The following EPHA6 variants were observed in gnomAD, a reference collection of about 807,000 sequenced individuals.
EPHA6 encodes the protein EPH receptor A6.
In EPHA6, 50 loss-of-function variants were observed where a neutral mutation model predicts 112.0. The ratio of observed to expected loss-of-function variants is 0.45; its 90% CI spans 0.36 to 0.56. The LOEUF is 0.56. Among genes scored for constraint, EPHA6 ranks in the 20% least tolerant of loss-of-function variants. The pLI, the probability that EPHA6 is intolerant of heterozygous loss-of-function variation, is 0.00. For synonymous variants in EPHA6, 529 were observed against 490.7 expected, an observed-to-expected ratio of 1.08 and a Z score of -1.03; for missense variants, 1,280 against 1,417.4, an observed-to-expected ratio of 0.90 and a Z score of 1.56.
chr3:97,565,062 A>G (rs915362069), intron 11 of EPHA6, among the ~76,000 whole-genome samples: 2 of 152,196 alleles, frequency 1.3e-5, no homozygotes, highest in Admixed American at 6.5e-5. Flanking sequence ...CAGGGAAGTA[A>G]TAAAGATCAG....
chr3:97,443,335 A>G (rs577646510), intron 6 of EPHA6, among the ~76,000 whole-genome samples: 60 of 146,310 alleles, frequency 4.1e-4, no homozygotes, highest in Non-Finnish European at 8.6e-4. Flanking sequence ...CAAGAGCTTT[A>G]CCACTGTCTT....
chr3:97,146,516 C>G (rs756229918), intron 3 of EPHA6, among the ~76,000 whole-genome samples: 5 of 151,744 alleles, frequency 3.3e-5, no homozygotes, highest in Non-Finnish European at 7.4e-5. Context: ...GCATCTCAAC[C>G]CAAACTCTTC....
chr3:97,550,607 T>C (rs375967075), intron 11 of EPHA6, among the ~76,000 whole-genome samples: 2 of 152,166 alleles, frequency 1.3e-5, no homozygotes, highest in African/African-American at 4.8e-5. Context: ...TCTGCAAGAA[T>C]TAAAACATCT....
At chr3:97,056,706 A>G (rs2045864845) in intron 3 of EPHA6, among the ~76,000 whole-genome samples, 1 of 152,216 alleles carries the variant, frequency 6.6e-6, no homozygotes, top group African/African-American at 2.4e-5. Context: ...GTGTTTTAAC[A>G]TAGTGGTTGA....
intron 14 of EPHA6, chr3:97,646,315 G>A (rs1481612133): frequency 1.3e-6 from 2 of 1,501,748 alleles, no homozygotes; most frequent in Non-Finnish European, 1.8e-6. Context: ...CCAACAGTGA[G>A]TCTTTCAGAG....
intron 3 of EPHA6, among the ~76,000 whole-genome samples, chr3:97,058,165 A>G (rs915450990): frequency 7.2e-6 from 1 of 138,786 alleles, no homozygotes; most frequent in African/African-American, 2.5e-5. Flanking sequence ...ACATTACCAC[A>G]TGTTTACATA....
At chr3:97,473,654 A>G (rs547139621) in intron 7 of EPHA6, among the ~76,000 whole-genome samples, 1 of 151,998 alleles carries the variant, frequency 6.6e-6, no homozygotes, top group South Asian at 2.1e-4. Flanking sequence ...ATCTTCAAAA[A>G]GATAATGCTT....
chr3:96,923,664 G>C (rs555864482), intron 2 of EPHA6, among the ~76,000 whole-genome samples: 12 of 152,042 alleles, frequency 7.9e-5, no homozygotes, highest in African/African-American at 2.7e-4. Flanking sequence ...TTCTTCTTTT[G>C]CAGTTACTTT....
At chr3:97,178,031 G>A (rs756147061) in intron 3 of EPHA6, among the ~76,000 whole-genome samples, 3 of 151,854 alleles carry the variant, frequency 2.0e-5, no homozygotes, top group Non-Finnish European at 4.4e-5. Context: ...TCTCTTCTTT[G>A]TTTCTTTCCT....
intron 3 of EPHA6, among the ~76,000 whole-genome samples, chr3:97,115,599 A>G (rs58281411): frequency 0.013 from 1,991 of 151,936 alleles, 39 homozygotes; most frequent in African/African-American, 0.046. Context: ...TTCAGCTCCA[A>G]TAATTGAAAT....
chr3:96,909,149 T>C (rs2039086789), intron 2 of EPHA6, among the ~76,000 whole-genome samples: 1 of 151,936 alleles, frequency 6.6e-6, no homozygotes, highest in African/African-American at 2.4e-5. Flanking sequence ...AATCATATAG[T>C]TTGGAAAGAT....
intron 10 of EPHA6, among the ~76,000 whole-genome samples, chr3:97,497,543 G>A (rs1440457018): frequency 2.0e-5 from 3 of 152,034 alleles, no homozygotes; most frequent in Admixed American, 2.0e-4. Context: ...CATGTGTTTT[G>A]TTTTTCCTAT....
intron 7 of EPHA6, among the ~76,000 whole-genome samples, chr3:97,459,445 T>G (rs956012245): frequency 1.3e-5 from 2 of 152,166 alleles, no homozygotes; most frequent in Non-Finnish European, 2.9e-5. Flanking sequence ...AGCACAACAC[T>G]GGCAGCAAGG....
intron 3 of EPHA6, among the ~76,000 whole-genome samples, chr3:97,205,003 T>C (rs1190968679): frequency 6.6e-6 from 1 of 152,120 alleles, no homozygotes; most frequent in Non-Finnish European, 1.5e-5. Flanking sequence ...TGGGCAATTA[T>C]AGGTTTGTAA....
intron 2 of EPHA6, among the ~76,000 whole-genome samples, chr3:96,982,007 C>G (rs145287786): frequency 6.3e-4 from 96 of 152,094 alleles, no homozygotes; most frequent in East Asian, 4.8e-3. Flanking sequence ...AAAAACCATC[C>G]ACTGGACTCA....
intron 3 of EPHA6, among the ~76,000 whole-genome samples, chr3:97,033,910 T>G (rs2044979325): frequency 6.6e-6 from 1 of 151,932 alleles, no homozygotes; most frequent in Non-Finnish European, 1.5e-5. Flanking sequence ...GCCGTTGTGG[T>G]TTTAGAAATC....
intron 3 of EPHA6, among the ~76,000 whole-genome samples, chr3:97,148,269 A>G (rs1047586269): frequency 1.3e-4 from 20 of 152,080 alleles, no homozygotes; most frequent in Non-Finnish European, 1.5e-5. Flanking sequence ...CAGGAGTTCA[A>G]GACCAGCCTG....
At chr3:96,928,997 A>T (rs932069881) in intron 2 of EPHA6, among the ~76,000 whole-genome samples, 1 of 152,028 alleles carries the variant, frequency 6.6e-6, no homozygotes, top group Non-Finnish European at 1.5e-5. Context: ...CAATATTTTG[A>T]GCCTTTGTGT....
intron 3 of EPHA6, among the ~76,000 whole-genome samples, chr3:97,113,694 A>G (rs1382881011): frequency 6.6e-6 from 1 of 151,894 alleles, no homozygotes; most frequent in Non-Finnish European, 1.5e-5. Context: ...CAGAAGTAAC[A>G]TTTTTTACTT....
Sources: gnomAD v4.1 joint callset for allele counts (sites outside exome capture counted in the v4.1 genomes callset) on GRCh38, gnomAD v4.1.1 for gene constraint, MANE v1.5 for transcripts, NCBI Gene and HGNC (gene_info 2026-07-23, HGNC 2026-07-21) for gene names.